The following ATP8B1 variants were observed in gnomAD, a reference collection of about 807,000 sequenced individuals.
ATP8B1 encodes the protein phospholipid-transporting ATPase IC.
ATP8B1 carries 80 observed loss-of-function variants against 149.9 expected under a neutral mutation model. The observed-to-expected ratio is 0.53, with a 90% confidence interval of 0.45 to 0.64. The LOEUF is 0.64. ATP8B1 is among the 30% of genes least tolerant of loss of function. ATP8B1 has a pLI of 0.00. For synonymous variants in ATP8B1, 536 were observed against 562.8 expected, an observed-to-expected ratio of 0.95 and a Z score of 0.67; for missense variants, 1,247 against 1,552.6, an observed-to-expected ratio of 0.80 and a Z score of 3.31.
At chr18:57,703,302 G>A (rs1230029379) in intron 4 of ATP8B1, among the ~76,000 whole-genome samples, 3 of 152,128 alleles carry the variant, frequency 2.0e-5, no homozygotes, top group South Asian at 4.1e-4. Flanking sequence ...GGGCGCAGTG[G>A]CTCATGCTTG....
chr18:57,785,708 G>C (rs1379118847), intron 1 of ATP8B1, among the ~76,000 whole-genome samples: 1 of 152,148 alleles, frequency 6.6e-6, no homozygotes, highest in Non-Finnish European at 1.5e-5. Flanking sequence ...GTTTCACCAT[G>C]TTGGCCAGTC....
chr18:57,674,876 T>G lies in ATP8B1; in HGVS notation c.1777A>C (p.Ile593Leu), dbSNP rs768748501. The G allele has an allele frequency of 1.5e-5, 25 of 1,614,198 alleles. No homozygotes were observed. In the South Asian group the frequency reaches 2.7e-4, roughly 18 times the overall value. Reference protein sequence around the residue: ...GTERTYNVLAILDFNSDRKRM... With the variant: ...GTERTYNVLALLDFNSDRKRM... ...TTCCGGTCACTGTTGAAGTCCAAAATGGCAAGAACATTGTAAGTCCTTTCA... is the reference window on the plus strand; with the variant it reads ...TTCCGGTCACTGTTGAAGTCCAAAAGGGCAAGAACATTGTAAGTCCTTTCA... The change falls in exon 16 of 28, where the codon ATT becomes CTT. Residue 593 changes from isoleucine (I) to leucine (L), a missense_variant. By Grantham distance (5) the Ile-to-Leu change is conservative. Coordinates refer to ENST00000648908, the MANE Select transcript of ATP8B1 (RefSeq NM_001374385.1).
chr18:57,786,181 G>A (rs1291034283), intron 1 of ATP8B1, among the ~76,000 whole-genome samples: 4 of 152,304 alleles, frequency 2.6e-5, no homozygotes, highest in Admixed American at 1.3e-4. Context: ...TTCTCACCAA[G>A]GTGGCCACTA....
intron 15 of ATP8B1, among the ~76,000 whole-genome samples, chr18:57,677,651 C>G (rs2071342039): frequency 6.6e-6 from 1 of 152,170 alleles, no homozygotes; most frequent in African/African-American, 2.4e-5. Flanking sequence ...TAGGGTCTCT[C>G]TGTATTTGTT....
At chr18:57,793,733 C>A (rs1347018140) in intron 1 of ATP8B1, among the ~76,000 whole-genome samples, 1 of 152,150 alleles carries the variant, frequency 6.6e-6, no homozygotes, top group Non-Finnish European at 1.5e-5. Flanking sequence ...TCCTGTGCCA[C>A]CCTCTCTCCT....
At chr18:57,691,629 T>C (rs1453938297) in intron 12 of ATP8B1, among the ~76,000 whole-genome samples, 178 bp downstream of exon 12, 1 of 152,124 alleles carries the variant, frequency 6.6e-6, no homozygotes, top group Non-Finnish European at 1.5e-5. Context: ...TGGCACAGAG[T>C]GGATACTCAA....
intron 23 of ATP8B1, among the ~76,000 whole-genome samples, 191 bp from the exon 24 acceptor site, chr18:57,654,266 C>T (rs149713913): frequency 6.6e-6 from 1 of 152,094 alleles, no homozygotes; most frequent in East Asian, 1.9e-4. Context: ...CTCAGCCTCC[C>T]AAAGTGTTGG....
At chr18:57,795,886 AAGTC>A (rs572754658) in intron 1 of ATP8B1, among the ~76,000 whole-genome samples, 326 of 152,066 alleles carry the variant, frequency 2.1e-3, no homozygotes, top group Admixed American at 4.1e-3. Flanking sequence ...TAAAAAAAAA[AAGTC>A]AGGCGCAGTG....
At chr18:57,684,971 G>GC in intron 14 of ATP8B1, 101 bp downstream of exon 14, 1 of 1,427,616 alleles carries the variant, frequency 7.0e-7, no homozygotes, top group Non-Finnish European at 9.9e-7. Flanking sequence ...CAGGGAAGAG[G>GC]CAACGAAAGA....
At position 57,773,989 on chromosome 18, in the gene ATP8B1, C is replaced by T. The variant is rs113741483; in HGVS notation, c.-26+29009G>A. Among the ~76,000 whole-genome samples the T allele has an allele frequency of 1.4e-3, 211 of 152,270 alleles. 1 individual carries two copies. Among genetic ancestry groups the T allele is most frequent in the African/African-American group, 4.8e-3 (201 of 41,554 alleles). ...CAAAGGTAATCAGATGGAGTTACTC[C>T]TCGGCTCGAAACTCTGCAGTGGGTT... On this transcript the variant is annotated intron_variant, in intron 1 of 27. Coordinates refer to ENST00000648908, the MANE Select transcript of ATP8B1 (RefSeq NM_001374385.1).
intron 1 of ATP8B1, among the ~76,000 whole-genome samples, chr18:57,800,679 T>C (rs544208306): frequency 1.6e-4 from 25 of 152,336 alleles, no homozygotes; most frequent in African/African-American, 5.5e-4. Flanking sequence ...GATTTAATTC[T>C]TTCAACAATC....
intron 2 of ATP8B1, among the ~76,000 whole-genome samples, chr18:57,718,103 T>TAAAAAAAAAAAAAAAAA (rs59629558): frequency 3.1e-5 from 1 of 31,798 alleles, no homozygotes; most frequent in Non-Finnish European, 5.8e-5. Flanking sequence ...CTGGACTAAC[T>TAAAAAAAAAAAAAAAAA]AAAAAAAAAA....
At chr18:57,714,173 G>A (rs1364590426) in intron 2 of ATP8B1, among the ~76,000 whole-genome samples, 2 of 152,226 alleles carry the variant, frequency 1.3e-5, no homozygotes, top group Non-Finnish European at 1.5e-5. Flanking sequence ...TGTGGTGGTG[G>A]TGGACATGGG....
At chr18:57,722,133 CA>C (rs1454027475) in intron 2 of ATP8B1, among the ~76,000 whole-genome samples, 1 of 148,704 alleles carries the variant, frequency 6.7e-6, no homozygotes, top group Admixed American at 6.7e-5. Context: ...TAAATGCCCA[CA>C]AGAGAAAGCA....
intron 12 of ATP8B1, among the ~76,000 whole-genome samples, chr18:57,689,591 C>T (rs1912429245): frequency 1.3e-5 from 2 of 152,144 alleles, no homozygotes. Flanking sequence ...GTACCAGATA[C>T]CATTCTAGGT....
At chr18:57,732,616 G>T (rs2079798166) in intron 1 of ATP8B1, among the ~76,000 whole-genome samples, 1 of 151,894 alleles carries the variant, frequency 6.6e-6, no homozygotes, top group Admixed American at 6.6e-5. Context: ...AGGCTGGAGT[G>T]CAATGGCACG....
chr18:57,745,924 G>A (rs901064758), intron 1 of ATP8B1, among the ~76,000 whole-genome samples: 11 of 152,092 alleles, frequency 7.2e-5, no homozygotes, highest in African/African-American at 2.7e-4. Context: ...ACCTCCCAAG[G>A]TGTTGGGATG....
chr18:57,795,237 A>AC lies in ATP8B1; in HGVS notation c.-26+7760_-26+7761insG, dbSNP rs1555657826. Among the ~76,000 whole-genome samples the AC allele has an allele frequency of 2.6e-3, 393 of 148,544 alleles. 4 individuals are homozygous for AC. The highest frequency in any genetic ancestry group is 9.2e-3 in the African/African-American group (372 of 40,294). The stretch of plus-strand genomic sequence containing the variant: ...GAGACACACAGACACACACACACAC[A>AC]TTTTTTTTTTCTTTTATTAGCTGGG... On this transcript the variant is annotated intron_variant, in intron 1 of 27. Transcript: ENST00000648908.
At chr18:57,657,768 G>A (rs1180542179) in intron 22 of ATP8B1, among the ~76,000 whole-genome samples, 1 of 152,186 alleles carries the variant, frequency 6.6e-6, no homozygotes, top group Non-Finnish European at 1.5e-5. Context: ...ATGTGGCTGA[G>A]GAAGAGGAAG....
Sources: gnomAD v4.1 joint callset for allele counts (sites outside exome capture counted in the v4.1 genomes callset) on GRCh38, gnomAD v4.1.1 for gene constraint, MANE v1.5 for transcripts, NCBI Gene and HGNC (gene_info 2026-07-23, HGNC 2026-07-21) for gene names.